Variants in PPFIA2 observed in about 807,000 individuals in gnomAD.
The protein encoded by PPFIA2 is PPFI scaffold protein A2.
Under a neutral mutation model 175.5 loss-of-function variants are expected in PPFIA2, and 46 were observed. The observed-to-expected ratio is 0.26, with a 90% CI of 0.21 to 0.34. The LOEUF (loss-of-function observed/expected upper bound fraction) is 0.34. PPFIA2 is among the 10% of genes least tolerant of loss of function. PPFIA2 has a pLI of 1.00. For synonymous variants in PPFIA2, 568 were observed against 511.4 expected (o/e 1.11, Z -1.49); for missense variants, 1,179 against 1,506.1 (o/e 0.78, Z 3.60).
intron 3 of PPFIA2, among the ~76,000 whole-genome samples, chr12:81,701,088 G>A (rs568451646): frequency 2.8e-4 from 42 of 152,174 alleles, no homozygotes; most frequent in African/African-American, 1.0e-3. Context: ...AGAATGAAAC[G>A]GCTTCCTTCT....
chr12:81,663,790 A>C (rs1453721496), intron 4 of PPFIA2, among the ~76,000 whole-genome samples: 2 of 151,844 alleles, frequency 1.3e-5, no homozygotes, highest in Non-Finnish European at 2.9e-5. Flanking sequence ...TTCAAACTAT[A>C]CTACAAGGCT....
At chr12:81,603,381 T>G (rs573946984) in intron 4 of PPFIA2, among the ~76,000 whole-genome samples, 1 of 151,902 alleles carries the variant, frequency 6.6e-6, no homozygotes, top group Admixed American at 6.6e-5. Context: ...AATCATTATT[T>G]CAGACAATAG....
chr12:81,475,547 A>G (rs1324847745), intron 4 of PPFIA2, among the ~76,000 whole-genome samples: 2 of 152,164 alleles, frequency 1.3e-5, no homozygotes, highest in Non-Finnish European at 2.9e-5. Flanking sequence ...GTGATTTTAA[A>G]TATTGACTTG....
chr12:81,522,308 C>A (rs2063248514), intron 4 of PPFIA2, among the ~76,000 whole-genome samples: 1 of 152,120 alleles, frequency 6.6e-6, no homozygotes, highest in East Asian at 1.9e-4. Flanking sequence ...TATTAACCAT[C>A]TACTGTGGAT....
chr12:81,297,885 C>A (rs2138129154), intron 23 of PPFIA2, among the ~76,000 whole-genome samples: 1 of 152,328 alleles, frequency 6.6e-6, no homozygotes, highest in South Asian at 2.1e-4. Context: ...AAGTTTCATT[C>A]ATTGGATCAC....
chr12:81,637,173 G>A (rs1481779191), intron 4 of PPFIA2, among the ~76,000 whole-genome samples: 5 of 146,538 alleles, frequency 3.4e-5, no homozygotes, highest in Non-Finnish European at 5.9e-5. Flanking sequence ...GGGTTCAAGC[G>A]ATTCTCCTGC....
At chr12:81,453,038 A>G (rs2052914678) in intron 5 of PPFIA2, among the ~76,000 whole-genome samples, 1 of 151,304 alleles carries the variant, frequency 6.6e-6, no homozygotes, top group Non-Finnish European at 1.5e-5. Context: ...GTACATGTGC[A>G]CATTGTGCAG....
chr12:81,573,377 C>A (rs2153416947), intron 4 of PPFIA2, among the ~76,000 whole-genome samples: 1 of 151,972 alleles, frequency 6.6e-6, no homozygotes, highest in South Asian at 2.1e-4. Flanking sequence ...AACAACAACA[C>A]AAAAGTGGTT....
intron 22 of PPFIA2, among the ~76,000 whole-genome samples, chr12:81,315,816 G>A (rs548143614): frequency 1.4e-4 from 22 of 151,756 alleles, no homozygotes; most frequent in African/African-American, 4.8e-4. Flanking sequence ...AAATATTTAA[G>A]CATGTTTCTA....
intron 4 of PPFIA2, among the ~76,000 whole-genome samples, chr12:81,475,870 G>T (rs901996767): frequency 1.3e-5 from 2 of 151,982 alleles, no homozygotes; most frequent in African/African-American, 4.8e-5. Flanking sequence ...CGCCACCAAG[G>T]CCGGCTAATT....
chr12:81,623,908 C>CA (rs2153484910), intron 4 of PPFIA2, among the ~76,000 whole-genome samples: 1 of 151,984 alleles, frequency 6.6e-6, no homozygotes, highest in South Asian at 2.1e-4. Flanking sequence ...CACCCTACAA[C>CA]AAAAAATAAT....
At chr12:81,648,586 C>A (rs933609310) in intron 4 of PPFIA2, among the ~76,000 whole-genome samples, 2 of 151,530 alleles carry the variant, frequency 1.3e-5, no homozygotes, top group African/African-American at 4.8e-5. Flanking sequence ...TTTATATATC[C>A]TATGTAATCT....
intron 5 of PPFIA2, among the ~76,000 whole-genome samples, chr12:81,448,087 C>T (rs1307270945): frequency 4.6e-5 from 7 of 151,936 alleles, no homozygotes; most frequent in Non-Finnish European, 7.4e-5. Context: ...TTGCACAATA[C>T]AGTGTAAGAT....
At chr12:81,661,162 ACAT>A (rs1312921204) in intron 4 of PPFIA2, among the ~76,000 whole-genome samples, 1 of 152,198 alleles carries the variant, frequency 6.6e-6, no homozygotes, top group African/African-American at 2.4e-5. Flanking sequence ...TAACCAGCTA[ACAT>A]CATAATGACA....
chr12:81,593,681 A>G (rs2153447569), intron 4 of PPFIA2, among the ~76,000 whole-genome samples: 1 of 152,318 alleles, frequency 6.6e-6, no homozygotes. Flanking sequence ...TGAAGGCTTC[A>G]CAGAGGAGGT....
chr12:81,447,130 C>G (rs2051439498), intron 5 of PPFIA2, among the ~76,000 whole-genome samples: 1 of 151,894 alleles, frequency 6.6e-6, no homozygotes, highest in Non-Finnish European at 1.5e-5. Context: ...AACCCCGTCT[C>G]TACTAAAATA....
At chr12:81,756,492 G>A (rs1374403873) in intron 2 of PPFIA2, among the ~76,000 whole-genome samples, 2 of 151,958 alleles carry the variant, frequency 1.3e-5, no homozygotes, top group African/African-American at 4.8e-5. Context: ...GGTAGTCTTC[G>A]ATTTAGTCAA....
At chr12:81,340,802 T>C (rs1185437483) in intron 20 of PPFIA2, among the ~76,000 whole-genome samples, 2 of 152,088 alleles carry the variant, frequency 1.3e-5, no homozygotes, top group Non-Finnish European at 2.9e-5. Context: ...TAGCCTGATC[T>C]CATTGTAATA....
At chr12:81,752,361 T>C (rs780443593) in intron 3 of PPFIA2, among the ~76,000 whole-genome samples, 2 of 152,182 alleles carry the variant, frequency 1.3e-5, no homozygotes, top group African/African-American at 2.4e-5. Flanking sequence ...GTAAGCAGGA[T>C]GGTGATAGTT....
Sources: allele counts gnomAD v4.1 joint callset (sites outside exome capture counted in the v4.1 genomes callset), GRCh38; gene constraint gnomAD v4.1.1; transcripts MANE v1.5; gene names NCBI Gene and HGNC (gene_info 2026-07-23, HGNC 2026-07-21).